KATNIP: variants seen among roughly 807,000 people sequenced by gnomAD.
KATNIP encodes the protein katanin-interacting protein.
A neutral mutation model predicts 174.0 loss-of-function variants in KATNIP; 126 were observed. The ratio of observed to expected loss-of-function variants is 0.72; its 90% confidence interval spans 0.63 to 0.84. The LOEUF is 0.84. KATNIP is among the 40% of genes least tolerant of loss of function. KATNIP has a pLI of 0.00. For missense variants in KATNIP, 1,958 were observed against 2,109.7 expected (o/e 0.93, Z 1.41); for synonymous variants, 810 against 835.7 (o/e 0.97, Z 0.53).
At chr16:27,621,255 G>T (rs1050849955) in intron 3 of KATNIP, among the ~76,000 whole-genome samples, 7 of 151,924 alleles carry the variant, frequency 4.6e-5, no homozygotes, top group African/African-American at 1.7e-4. Context: ...TGCACTCCAG[G>T]CTGGGTGATA....
chr16:27,557,330 C>T (rs529460968), intron 1 of KATNIP, among the ~76,000 whole-genome samples: 3 of 151,954 alleles, frequency 2.0e-5, no homozygotes, highest in African/African-American at 4.8e-5. Flanking sequence ...TTAGTACAGA[C>T]GGGGTTTCAC....
intron 8 of KATNIP, among the ~76,000 whole-genome samples, chr16:27,691,258 A>G (rs536941499): frequency 6.6e-6 from 1 of 152,194 alleles, no homozygotes; most frequent in African/African-American, 2.4e-5. Context: ...ATTCATGGTA[A>G]ATTTCCTGAA....
intron 1 of KATNIP, among the ~76,000 whole-genome samples, chr16:27,554,189 T>C (rs1440348930): frequency 1.3e-5 from 2 of 152,136 alleles, no homozygotes; most frequent in Non-Finnish European, 2.9e-5. Context: ...CACAGCCAGA[T>C]GGGGTGGCTC....
rs746272571 is a variant in KATNIP, at chr16:27,750,002, C to G, written c.3042C>G (p.Asp1014Glu). ...EPVQISNIKA[D>E]PPDINILPAY... ...TGCAGATTTCAAACATAAAAGCAGA[C>G]CCTCCCGATATCAATATTTTACCAG... Residue 1014 changes from aspartate (D) to glutamate (E), a missense_variant, in exon 16 of 28, where the codon GAC (aspartate) becomes GAG (glutamate). Physicochemically the swap from Asp to Glu is conservative, Grantham distance 45. Transcript: ENST00000261588. 1 of 1,614,174 alleles carries G rather than the reference C, an allele frequency of 6.2e-7. No homozygotes were observed. The highest frequency in any genetic ancestry group is 1.1e-5 in the South Asian group (1 of 91,076).
At chr16:27,589,675 T>A (rs2075108818) in intron 2 of KATNIP, among the ~76,000 whole-genome samples, 1 of 152,222 alleles carries the variant, frequency 6.6e-6, no homozygotes, top group South Asian at 2.1e-4. Flanking sequence ...TCTTTATTCC[T>A]GTGTTTTGGA....
chr16:27,766,472 G>A lies in KATNIP; in HGVS notation c.3973G>A (p.Gly1325Arg), dbSNP rs143304915. ...YNKSPEDTYRGAKIVHVSLDG... is the reference protein window; with the variant it reads ...YNKSPEDTYRRAKIVHVSLDG... ...TAAATCTCCCGAGGACACCTATCGC[G>A]GGGTAAGCTGGGGAGCAGTGGCCGT... is the stretch of plus-strand genomic sequence containing the variant. Residue 1325 changes from glycine (G) to arginine (R), a missense_variant and splice_region_variant, in exon 20 of 28, where the codon GGG (glycine) becomes AGG (arginine). Physicochemically the swap from Gly to Arg is moderately radical, Grantham distance 125. Around this residue, in one of 3 missense-constraint regions of KATNIP, gnomAD observed 383 missense variants for 456.0 expected, o/e 0.84. Coordinates refer to ENST00000261588, the MANE Select transcript of KATNIP (RefSeq NM_015202.5). 10 of 1,610,428 alleles carry A rather than the reference G, an allele frequency of 6.2e-6. No homozygotes were observed. The highest frequency in any genetic ancestry group is 6.8e-6 in the Non-Finnish European group (8 of 1,179,646).
intron 2 of KATNIP, among the ~76,000 whole-genome samples, chr16:27,609,977 G>A (rs1302360053): frequency 1.3e-5 from 2 of 152,176 alleles, no homozygotes; most frequent in Non-Finnish European, 2.9e-5. Context: ...GAAGGAATGG[G>A]GCCTGAGGTG....
chr16:27,756,129 G>A (rs548426551), intron 18 of KATNIP, among the ~76,000 whole-genome samples: 2 of 152,202 alleles, frequency 1.3e-5, no homozygotes, highest in African/African-American at 4.8e-5. Context: ...TTCTGCGACC[G>A]CATCTCCTCC....
intron 18 of KATNIP, chr16:27,757,441 G>A: frequency 2.1e-6 from 2 of 954,028 alleles, no homozygotes; most frequent in Non-Finnish European, 2.5e-6. Context: ...AGGCAGGAAT[G>A]CTGGCCAGGC....
intron 6 of KATNIP, among the ~76,000 whole-genome samples, chr16:27,677,328 T>C (rs2078155392): frequency 6.6e-6 from 1 of 152,146 alleles, no homozygotes; most frequent in Non-Finnish European, 1.5e-5. Flanking sequence ...GATCACCTTA[T>C]TAGAAATGTA....
In KATNIP at chr16:27,618,481, A is replaced by G. The variant is rs757156852; in HGVS notation, c.120A>G (p.Ile40Met). The change falls in exon 3 of 28, where the codon ATA becomes ATG. Residue 40 changes from isoleucine (I) to methionine (M), a missense_variant. Transcript: ENST00000261588. Reference protein sequence around the residue: ...DFDEKHDEYLILLQQRNRILK... With the variant: ...DFDEKHDEYLMLLQQRNRILK... ...ATGAGAAACATGATGAGTATTTAAT[A>G]TTGCTTCAGCAGAGGAACCGGTAAG... 6.2e-7 allele frequency: 1 copy of G among 1,612,742 alleles called. No homozygotes were observed. The highest frequency in any genetic ancestry group is 1.7e-5 in the Admixed American group (1 of 60,010).
At chr16:27,757,181 C>T (rs2081765584) in intron 18 of KATNIP, among the ~76,000 whole-genome samples, 2 of 152,192 alleles carry the variant, frequency 1.3e-5, no homozygotes, top group Non-Finnish European at 2.9e-5. Context: ...TACTCCTGGG[C>T]TCACGAGATC....
At chr16:27,657,478 A>G (rs2061714193) in intron 6 of KATNIP, among the ~76,000 whole-genome samples, 1 of 152,188 alleles carries the variant, frequency 6.6e-6, no homozygotes, top group Non-Finnish European at 1.5e-5. Context: ...CTATAATCCT[A>G]GCATTTTGGG....
At chr16:27,725,526 C>G (rs959822424) in intron 14 of KATNIP, among the ~76,000 whole-genome samples, 2 of 152,128 alleles carry the variant, frequency 1.3e-5, no homozygotes, top group Admixed American at 6.5e-5. Flanking sequence ...AGTGACTTGC[C>G]CAGCTAGCAG....
At position 27,628,681 on chromosome 16, in the gene KATNIP, G is replaced by A. The variant is rs771573143; in HGVS notation, c.161G>A (p.Ser54Asn). ...QRNRILKHLK[S>N]KDPVQLRLEH... ...TTCAGGATATTAAAGCATTTGAAAA[G>A]CAAGGACCCCGTGCAATTGAGGCTG... is the stretch of plus-strand genomic sequence containing the variant. The change falls in exon 4 of 28, where the codon AGC becomes AAC. Residue 54 changes from serine (S) to asparagine (N), a missense_variant. Ser to Asn is a conservative substitution (Grantham distance 46). Transcript: ENST00000261588. 6 of 1,614,054 alleles carry A rather than the reference G, an allele frequency of 3.7e-6. No homozygotes were observed. In the East Asian group the frequency reaches 8.9e-5, roughly 24 times the overall value.
At chr16:27,670,568 T>G (rs1446286712) in intron 6 of KATNIP, among the ~76,000 whole-genome samples, 1 of 152,198 alleles carries the variant, frequency 6.6e-6, no homozygotes, top group Non-Finnish European at 1.5e-5. Context: ...GCTGGATACT[T>G]TATTCTCGAG....
At chr16:27,666,579 G>A (rs981820777) in intron 6 of KATNIP, among the ~76,000 whole-genome samples, 5 of 152,028 alleles carry the variant, frequency 3.3e-5, no homozygotes, top group East Asian at 1.9e-4. Context: ...CACCACACCC[G>A]GCTAATTTTT....
In KATNIP at chr16:27,640,734, C is replaced by T. The variant is rs1055485945; in HGVS notation, c.409-7870C>T. On this transcript the variant is annotated intron_variant, in intron 5 of 27. Transcript: ENST00000261588. ...TTTTCAGAACCTTGTATGCAGTCGGCGCTCAGTAAAAGCTTGCTGATTCAG... is the reference window on the plus strand; with the variant it reads ...TTTTCAGAACCTTGTATGCAGTCGGTGCTCAGTAAAAGCTTGCTGATTCAG... Among the ~76,000 whole-genome samples the T allele has an allele frequency of 4.1e-5, 6 of 146,460 alleles. No individual in the cohort carries two copies. In the South Asian group the frequency reaches 6.5e-4, roughly 16 times the overall value.
At chr16:27,743,294 C>A (rs1213302380) in intron 15 of KATNIP, among the ~76,000 whole-genome samples, 1 of 152,066 alleles carries the variant, frequency 6.6e-6, no homozygotes, top group Non-Finnish European at 1.5e-5. Flanking sequence ...TGTCTTAATG[C>A]ATGCATTTTT....
Sources: allele counts gnomAD v4.1 joint callset (sites outside exome capture counted in the v4.1 genomes callset), GRCh38; gene constraint gnomAD v4.1.1; regional missense constraint gnomAD v4.1.1; transcripts MANE v1.5; gene names NCBI Gene and HGNC (gene_info 2026-07-23, HGNC 2026-07-21).